CSMD3: variants seen among roughly 807,000 people sequenced by gnomAD.
CSMD3 encodes CUB and Sushi multiple domains 3.
CSMD3 carries 177 observed loss-of-function variants against 435.2 expected under a neutral mutation model. That is an observed-to-expected ratio of 0.41 (90% confidence interval 0.36 to 0.46). The LOEUF is 0.46. Ranked by LOEUF, CSMD3 falls within the 20% of genes least tolerant of loss-of-function variation. The pLI is 0.34. For synonymous variants in CSMD3, 1,656 were observed against 1,520.5 expected, an observed-to-expected ratio of 1.09 and a Z score of -2.07; for missense variants, 4,265 against 4,504.6, an observed-to-expected ratio of 0.95 and a Z score of 1.52.
At chr8:112,682,753 T>C (rs1206297258) in intron 15 of CSMD3, 117 bp from the exon 16 acceptor site, 1 of 779,070 alleles carries the variant, frequency 1.3e-6, no homozygotes, top group Non-Finnish European at 2.2e-6. Context: ...GTTGTGTTTA[T>C]TTCTACACAA....
At chr8:113,365,726 T>C (rs1190056432) in intron 1 of CSMD3, among the ~76,000 whole-genome samples, 2 of 152,046 alleles carry the variant, frequency 1.3e-5, no homozygotes, top group Non-Finnish European at 2.9e-5. Flanking sequence ...ATCTGACATA[T>C]ATGTGCCTGT....
chr8:112,713,592 C>T (rs1289455613), intron 13 of CSMD3, among the ~76,000 whole-genome samples: 1 of 151,946 alleles, frequency 6.6e-6, no homozygotes, highest in East Asian at 1.9e-4. Flanking sequence ...TAAGGTACTA[C>T]ATGAGAAGAT....
At chr8:112,725,862 A>G (rs1423653874) in intron 13 of CSMD3, among the ~76,000 whole-genome samples, 1 of 151,976 alleles carries the variant, frequency 6.6e-6, no homozygotes, top group African/African-American at 2.4e-5. Flanking sequence ...AGGAGAAAAC[A>G]TGAGATTGCA....
chr8:113,358,510 G>A (rs1358548774), intron 1 of CSMD3, among the ~76,000 whole-genome samples: 2 of 152,068 alleles, frequency 1.3e-5, no homozygotes, highest in Non-Finnish European at 1.5e-5. Flanking sequence ...ATGCCACCAC[G>A]CTTAGCTAAT....
intron 11 of CSMD3, among the ~76,000 whole-genome samples, chr8:112,851,530 C>A (rs2080487156): frequency 6.6e-6 from 1 of 152,074 alleles, no homozygotes; most frequent in Non-Finnish European, 1.5e-5. Flanking sequence ...ACTTAGGAGG[C>A]CGAGGCGGGC....
intron 22 of CSMD3, among the ~76,000 whole-genome samples, chr8:112,630,173 CACAGAA>C (rs1243418031): frequency 6.6e-6 from 1 of 152,090 alleles, no homozygotes; most frequent in African/African-American, 2.4e-5. Flanking sequence ...ACTCTCAACC[CACAGAA>C]ACCATGAGAA....
chr8:112,520,965 A>G (rs1412477199), intron 27 of CSMD3, among the ~76,000 whole-genome samples: 1 of 151,940 alleles, frequency 6.6e-6, no homozygotes, highest in Non-Finnish European at 1.5e-5. Flanking sequence ...GTCTTTTAAA[A>G]TGGAGAAGTT....
intron 11 of CSMD3, among the ~76,000 whole-genome samples, chr8:112,837,016 C>G (rs919039157): frequency 6.6e-6 from 1 of 151,648 alleles, no homozygotes; most frequent in South Asian, 2.1e-4. Context: ...TCCGTGCATC[C>G]CAAATACCTC....
At chr8:112,361,572 C>CATACATATATATATAT (rs1314097693) in intron 38 of CSMD3, among the ~76,000 whole-genome samples, 3 of 107,204 alleles carry the variant, frequency 2.8e-5, no homozygotes, top group African/African-American at 6.9e-5. Context: ...TATACACATA[C>CATACATATATATATAT]ATATATATAT....
chr8:113,410,874 C>T (rs1050308935), intron 1 of CSMD3, among the ~76,000 whole-genome samples: 1 of 133,560 alleles, frequency 7.5e-6, no homozygotes, highest in African/African-American at 2.9e-5. Flanking sequence ...TACTGTACTC[C>T]AGCCTTGTGA....
intron 6 of CSMD3, among the ~76,000 whole-genome samples, chr8:112,979,465 A>G (rs986557256): frequency 6.6e-6 from 1 of 151,620 alleles, no homozygotes; most frequent in Non-Finnish European, 1.5e-5. Flanking sequence ...TTAAATTGTC[A>G]AGATTCACCA....
At chr8:112,787,850 T>C (rs747960396) in intron 13 of CSMD3, among the ~76,000 whole-genome samples, 2 of 152,076 alleles carry the variant, frequency 1.3e-5, no homozygotes, top group Non-Finnish European at 2.9e-5. Context: ...AAAAATACAG[T>C]TAGATTGAAT....
chr8:112,583,678 A>C lies in CSMD3; in HGVS notation c.3885+3388T>G, dbSNP rs538404965. Among the ~76,000 whole-genome samples, 5 of 151,986 alleles carry C rather than the reference A, an allele frequency of 3.3e-5. No individual in the cohort carries two copies. The South Asian group carries it at 8.3e-4, about 25-fold the overall frequency. ...AAGGCATCTAAAGTGTGAGTTTCCT[A>C]TACATTAATGGATAGAAGGGTATAT... On this transcript the variant is annotated intron_variant, in intron 23 of 70. Transcript: ENST00000297405.
chr8:112,291,341 T>C (rs1819742489), intron 56 of CSMD3, among the ~76,000 whole-genome samples, 169 bp downstream of exon 56: 1 of 151,986 alleles, frequency 6.6e-6, no homozygotes, highest in African/African-American at 2.4e-5. Flanking sequence ...AAATTACATT[T>C]GGACATTGAA....
At chr8:112,993,062 A>T (rs1357264411) in intron 6 of CSMD3, among the ~76,000 whole-genome samples, 2 of 151,792 alleles carry the variant, frequency 1.3e-5, no homozygotes, top group African/African-American at 4.8e-5. Flanking sequence ...CCACATTAAG[A>T]GTCAAGAGCA....
chr8:113,262,610 A>C (rs1307770509), intron 3 of CSMD3, among the ~76,000 whole-genome samples: 1 of 152,052 alleles, frequency 6.6e-6, no homozygotes, highest in Non-Finnish European at 1.5e-5. Context: ...ATAAATATAG[A>C]GATATATTCC....
In CSMD3 at chr8:112,324,336, C is replaced by T. The variant is rs147489242; in HGVS notation, c.7166-4355G>A. 3.3e-5 allele frequency among the ~76,000 whole-genome samples: 5 copies of T among 152,044 alleles called. No individual in the cohort carries two copies. The East Asian group carries it at 5.8e-4, about 18-fold the overall frequency. On this transcript the variant is annotated intron_variant, in intron 45 of 70. Transcript: ENST00000297405. ...GTTTTATGTATTGGTTCACGTTCCG[C>T]GTATAGCTTATGTATTTTGTATTGT...
chr8:112,518,159 T>C (rs997034695), intron 27 of CSMD3, among the ~76,000 whole-genome samples: 3 of 152,086 alleles, frequency 2.0e-5, no homozygotes, highest in South Asian at 2.1e-4. Flanking sequence ...AATATCAAAA[T>C]ATTATATAGT....
chr8:112,839,164 G>T (rs73702235), intron 11 of CSMD3, among the ~76,000 whole-genome samples: 2,000 of 151,818 alleles, frequency 0.013, 45 homozygotes, highest in African/African-American at 0.046. Flanking sequence ...TTTCAATCTT[G>T]CAAGGGCTCA....
Sources: gnomAD v4.1 joint callset for allele counts (sites outside exome capture counted in the v4.1 genomes callset) on GRCh38, gnomAD v4.1.1 for gene constraint, MANE v1.5 for transcripts, NCBI Gene and HGNC (gene_info 2026-07-23, HGNC 2026-07-21) for gene names.